The following PDE9A variants were observed in gnomAD, a reference collection of about 807,000 sequenced individuals.
PDE9A encodes phosphodiesterase 9A, also known as high affinity cGMP-specific 3',5'-cyclic phosphodiesterase 9A.
In PDE9A, 60 loss-of-function variants were observed where a neutral mutation model predicts 87.4. The ratio of observed to expected loss-of-function variants is 0.69; its 90% CI spans 0.56 to 0.85. The LOEUF (loss-of-function observed/expected upper bound fraction) is 0.85. Ranked by LOEUF, PDE9A falls within the 40% of genes least tolerant of loss-of-function variation. The pLI is 0.00. For missense variants in PDE9A, 665 were observed against 779.0 expected (o/e 0.85, Z 1.74); for synonymous variants, 272 against 279.4 (o/e 0.97, Z 0.27).
intron 4 of PDE9A, among the ~76,000 whole-genome samples, chr21:42,706,495 A>G (rs1378108053): frequency 6.6e-6 from 1 of 152,052 alleles, no homozygotes; most frequent in Non-Finnish European, 1.5e-5. Context: ...AAATACAAAA[A>G]TTAGCCGGGT....
chr21:42,669,134 C>T (rs1569113143), intron 1 of PDE9A, among the ~76,000 whole-genome samples: 1 of 152,154 alleles, frequency 6.6e-6, no homozygotes, highest in Non-Finnish European at 1.5e-5. Context: ...GCCATAAATG[C>T]CACAGCTTAA....
intron 1 of PDE9A, among the ~76,000 whole-genome samples, chr21:42,671,781 T>A (rs974049121): frequency 1.3e-4 from 20 of 152,182 alleles, no homozygotes; most frequent in Non-Finnish European, 2.4e-4. Flanking sequence ...TTAGCTCATT[T>A]AAAAAAATAT....
intron 10 of PDE9A, among the ~76,000 whole-genome samples, chr21:42,755,412 C>T (rs952327028): frequency 6.6e-6 from 1 of 152,194 alleles, no homozygotes; most frequent in Non-Finnish European, 1.5e-5. Context: ...GCTCAGTTCA[C>T]CCAAGAGCAG....
chr21:42,721,847 C>T (rs558052288), intron 4 of PDE9A, among the ~76,000 whole-genome samples: 1 of 152,044 alleles, frequency 6.6e-6, no homozygotes, highest in South Asian at 2.1e-4. Context: ...TCCCACCCCC[C>T]ACAATCTTCC....
chr21:42,751,705 G>T (rs190113287), intron 9 of PDE9A, among the ~76,000 whole-genome samples: 3 of 150,066 alleles, frequency 2.0e-5, no homozygotes, highest in African/African-American at 7.4e-5. Context: ...CCCGCTCAAC[G>T]CCTTCAGCTG....
intron 3 of PDE9A, among the ~76,000 whole-genome samples, chr21:42,691,699 A>G (rs968525983): frequency 6.6e-6 from 1 of 150,986 alleles, no homozygotes; most frequent in East Asian, 2.0e-4. Context: ...ATCACTATCC[A>G]AAGTCACCAG....
At chr21:42,669,003 C>G (rs930750058) in intron 1 of PDE9A, among the ~76,000 whole-genome samples, 1 of 151,964 alleles carries the variant, frequency 6.6e-6, no homozygotes, top group Non-Finnish European at 1.5e-5. Flanking sequence ...TCACCATCCC[C>G]TCCTGAAGTT....
At chr21:42,726,240 T>A (rs1317790634) in intron 4 of PDE9A, among the ~76,000 whole-genome samples, 2 of 152,196 alleles carry the variant, frequency 1.3e-5, no homozygotes, top group African/African-American at 2.4e-5. Context: ...GTCTTGCAAA[T>A]ATTTTCTGCC....
At chr21:42,725,458 C>G (rs921772571) in intron 4 of PDE9A, among the ~76,000 whole-genome samples, 1 of 152,078 alleles carries the variant, frequency 6.6e-6, no homozygotes, top group Non-Finnish European at 1.5e-5. Context: ...AGGCTGGTCT[C>G]GAACTCCTGA....
chr21:42,690,471 G>A (rs984457960), intron 3 of PDE9A, among the ~76,000 whole-genome samples: 1 of 152,058 alleles, frequency 6.6e-6, no homozygotes, highest in Non-Finnish European at 1.5e-5. Context: ...GATCGTGGGT[G>A]TGGATATAGG....
intron 1 of PDE9A, among the ~76,000 whole-genome samples, chr21:42,668,891 T>TCCCC (rs1569112468): frequency 1.8e-4 from 20 of 108,740 alleles, no homozygotes; most frequent in African/African-American, 8.9e-4. Flanking sequence ...TCAGAGCTGC[T>TCCCC]CCCTCCACCC....
rs2055435984 is a variant in PDE9A at position 42,759,433 on chromosome 21, G to A, written c.897+348G>A. 6.6e-6 allele frequency among the ~76,000 whole-genome samples: 1 copy of A among 150,640 alleles called. No individual in the cohort carries two copies. Among genetic ancestry groups the A allele is most frequent in the African/African-American group, 2.4e-5 (1 of 40,860 alleles). ...TGTGTGTGAGAGTGAGTATGGGGGT[G>A]TGGATGTGAGTGTGTGTGAGTGTGG... On this transcript the variant is annotated intron_variant, in intron 11 of 19. Coordinates refer to ENST00000291539, the MANE Select transcript of PDE9A (RefSeq NM_002606.3). This position sits in a 1 kb window ranked among gnomAD's most constrained non-coding sequence, Gnocchi z 7.2.
rs1415673528 is a variant in PDE9A, at chr21:42,751,183, C to A, written c.721C>A (p.Pro241Thr). ...HKKLTPRRDV[P>T]TYPKYLLSPE... ...GAAGTTGACTCCTCGACGCGATGTTCCCACTTACCCCAAGGTAAGATGAGA... is the reference window on the plus strand; with the variant it reads ...GAAGTTGACTCCTCGACGCGATGTTACCACTTACCCCAAGGTAAGATGAGA... The change falls in exon 9 of 20, where the codon CCC becomes ACC. Residue 241 changes from proline to threonine, a missense_variant. Pro to Thr is a conservative substitution (Grantham distance 38, BLOSUM62 -1). Transcript: ENST00000291539. 8.7e-6 allele frequency: 14 copies of A among 1,610,032 alleles called. No homozygotes were observed. Among genetic ancestry groups the A allele is most frequent in the Non-Finnish European group, 1.2e-5 (14 of 1,176,416 alleles).
chr21:42,711,489 G>A (rs2049339141), intron 4 of PDE9A, among the ~76,000 whole-genome samples: 1 of 151,896 alleles, frequency 6.6e-6, no homozygotes, highest in Non-Finnish European at 1.5e-5. Context: ...CTGACCTCAT[G>A]ATCCACCCAC....
intron 4 of PDE9A, among the ~76,000 whole-genome samples, chr21:42,726,618 A>ATTT (rs1486108848): frequency 3.9e-4 from 9 of 23,046 alleles, no homozygotes; most frequent in African/African-American, 1.3e-3. Flanking sequence ...ATATATATAT[A>ATTT]TATATATTTT....
At chr21:42,656,784 C>T (rs376910664) in intron 1 of PDE9A, among the ~76,000 whole-genome samples, 3 of 152,288 alleles carry the variant, frequency 2.0e-5, no homozygotes, top group South Asian at 4.1e-4. Flanking sequence ...GAGCCCTACA[C>T]GAAGGCAGGA....
chr21:42,685,262 C>T (rs1350520327), intron 1 of PDE9A, among the ~76,000 whole-genome samples: 5 of 152,244 alleles, frequency 3.3e-5, no homozygotes, highest in South Asian at 2.1e-4. Flanking sequence ...ACAGAAGATG[C>T]GGATGCTAAC....
At chr21:42,746,789 G>T (rs576944111) in intron 8 of PDE9A, among the ~76,000 whole-genome samples, 4 of 152,202 alleles carry the variant, frequency 2.6e-5, no homozygotes, top group Non-Finnish European at 4.4e-5. Context: ...GCCGGGCTGT[G>T]GGGGGCACCT....
chr21:42,670,163 ACATTCACACGCACACATACACT>A lies in PDE9A; in HGVS notation c.70-16028_70-16007del, dbSNP rs1463780309. Among the ~76,000 whole-genome samples, 5 of 150,824 alleles carry A rather than the reference ACATTCACACGCACACATACACT, an allele frequency of 3.3e-5. No homozygotes were observed. The South Asian group carries it at 1.0e-3, about 31-fold the overall frequency. On this transcript the variant is annotated intron_variant, in intron 1 of 19. Transcript: ENST00000291539. ...CTTACACACACATTCACACGCACACACATTCACACGCACACATACACTTACACACATTCACACACATACACTT... is the reference window on the plus strand; with the variant it reads ...CTTACACACACATTCACACGCACACATACACACATTCACACACATACACTT...
Sources: gnomAD v4.1 joint callset for allele counts (sites outside exome capture counted in the v4.1 genomes callset) on GRCh38, gnomAD v4.1.1 for gene constraint, Gnocchi (gnomAD v3.1) non-coding constraint, MANE v1.5 for transcripts, NCBI Gene and HGNC (gene_info 2026-07-23, HGNC 2026-07-21) for gene names.